CSMD2: variants seen among roughly 807,000 people sequenced by gnomAD.
CSMD2 encodes the protein CUB and sushi domain-containing protein 2.
Under a neutral mutation model 398.5 loss-of-function variants are expected in CSMD2, and 130 were observed. That is an observed-to-expected ratio of 0.33 (90% CI 0.28 to 0.38). CSMD2 has a LOEUF of 0.38. CSMD2 is among the 10% of genes least tolerant of loss of function. The probability of loss-of-function intolerance (pLI) is 1.00; values close to 1 mark genes in which losing one functional copy is unlikely to be tolerated. For missense variants in CSMD2, 3,829 were observed against 4,764.9 expected, an observed-to-expected ratio of 0.80 and a Z score of 5.78; for synonymous variants, 1,828 against 1,908.5, an observed-to-expected ratio of 0.96 and a Z score of 1.10.
intron 3 of CSMD2, among the ~76,000 whole-genome samples, chr1:33,973,761 G>T (rs506714): frequency 0.52 from 79,135 of 152,078 alleles, 21,447 homozygotes; most frequent in African/African-American, 0.67. Flanking sequence ...TGCCTGAGCA[G>T]GGACAGGCTC....
chr1:33,959,078 T>C (rs1462169250), intron 3 of CSMD2, among the ~76,000 whole-genome samples: 3 of 152,166 alleles, frequency 2.0e-5, no homozygotes, highest in Non-Finnish European at 2.9e-5. Flanking sequence ...TCAGATAACA[T>C]GTGCTTCCCT....
At chr1:33,820,927 A>G (rs1658068277) in intron 7 of CSMD2, among the ~76,000 whole-genome samples, 2 of 152,094 alleles carry the variant, frequency 1.3e-5, no homozygotes, top group South Asian at 4.2e-4. Context: ...TCTGGGGTGG[A>G]GACTCTAGAT....
intron 10 of CSMD2, among the ~76,000 whole-genome samples, chr1:33,806,008 T>C (rs770314617): frequency 3.9e-5 from 6 of 152,056 alleles, no homozygotes; most frequent in Non-Finnish European, 7.4e-5. Context: ...GCTTTGGTCT[T>C]GAGTACCTTT....
At position 33,587,185 on chromosome 1, in the gene CSMD2, A is replaced by C; in HGVS notation, c.6857-17T>G. On this transcript the variant is annotated splice_polypyrimidine_tract_variant and intron_variant, in intron 44 of 70. Coordinates refer to ENST00000373381, the MANE Select transcript of CSMD2 (RefSeq NM_001281956.2). ...GTGGATAAGCTGAAAAGATAAAAGC[A>C]GGCAAGTCAGGGTAAGATCATCATT... 1 of 1,579,216 alleles carries C rather than the reference A, an allele frequency of 6.3e-7. No individual in the cohort carries two copies. The highest frequency in any genetic ancestry group is 8.6e-7 in the Non-Finnish European group (1 of 1,156,484).
chr1:34,068,405 GC>G (rs952766531), intron 2 of CSMD2, among the ~76,000 whole-genome samples: 7 of 152,024 alleles, frequency 4.6e-5, no homozygotes, highest in African/African-American at 1.7e-4. Flanking sequence ...TAACTATGTT[GC>G]AAAAAACTTT....
chr1:33,772,326 G>T (rs1286396376), intron 13 of CSMD2: 2 of 437,194 alleles, frequency 4.6e-6, no homozygotes, highest in Non-Finnish European at 8.2e-6. Context: ...ACCAAGAAGG[G>T]TAAGACGGTG....
At chr1:33,661,611 G>A (rs1189644852) in intron 26 of CSMD2, among the ~76,000 whole-genome samples, 1 of 152,150 alleles carries the variant, frequency 6.6e-6, no homozygotes, top group African/African-American at 2.4e-5. Context: ...AGTATTCCAT[G>A]GAACTCTTAG....
chr1:33,740,282 TCCGAAGCCAGGCTCTATTTTCACC>T (rs141576460), intron 14 of CSMD2, among the ~76,000 whole-genome samples: 50,424 of 150,842 alleles, frequency 0.33, 10,791 homozygotes, highest in African/African-American at 0.61. Context: ...ACTAAATGTC[TCCGAAGCCAGGCTCTATTTTCACC>T]CCGAAGCCAG....
chr1:33,617,657 G>T, intron 37 of CSMD2, 40 bp from the exon 38 acceptor site: 1 of 1,514,354 alleles, frequency 6.6e-7, no homozygotes, highest in Non-Finnish European at 9.2e-7. Context: ...GAATGGACTA[G>T]CCCAGCAGGT....
Position 33,559,356 on chromosome 1 carries a change from G to A in CSMD2, c.8498C>T (p.Ala2833Val). ...CNPGYMAEGA[A>V]RSQCLASGQW... ...CCCGCTGGCCAGGCATTGGGACCTA[G>A]CAGCCCCCTCAGCCATATACCCAGG... The change falls in exon 54 of 71, where the codon GCT becomes GTT. Residue 2833 changes from alanine to valine, a missense_variant. Transcript: ENST00000373381. This position sits in a 1 kb window ranked among gnomAD's most constrained non-coding sequence, Gnocchi z 4.0. 2 of 1,536,002 alleles carry A rather than the reference G, an allele frequency of 1.3e-6. No homozygotes were observed. The highest frequency in any genetic ancestry group is 1.2e-5 in the South Asian group (1 of 84,056).
intron 2 of CSMD2, among the ~76,000 whole-genome samples, chr1:34,080,602 A>G (rs1571036376): frequency 6.6e-6 from 1 of 152,264 alleles, no homozygotes; most frequent in South Asian, 2.1e-4. Flanking sequence ...CTAGAGTCAA[A>G]GAAAGAACAA....
At chr1:33,833,594 G>C (rs1356084125) in intron 6 of CSMD2, among the ~76,000 whole-genome samples, 1 of 148,300 alleles carries the variant, frequency 6.7e-6, no homozygotes, top group African/African-American at 2.5e-5. Context: ...ACTGGCACAA[G>C]ACAGGGATGC....
chr1:33,844,234 G>A (rs1290478936), intron 6 of CSMD2, among the ~76,000 whole-genome samples: 1 of 152,150 alleles, frequency 6.6e-6, no homozygotes, highest in Non-Finnish European at 1.5e-5. Context: ...TGTGCACATA[G>A]GGACATCTGG....
intron 2 of CSMD2, among the ~76,000 whole-genome samples, chr1:34,081,254 C>A (rs991042175): frequency 1.3e-5 from 2 of 152,164 alleles, no homozygotes; most frequent in African/African-American, 2.4e-5. Context: ...CCTCTCCACA[C>A]CCCCAGAGTA....
intron 1 of CSMD2, among the ~76,000 whole-genome samples, chr1:34,093,217 C>T (rs1658856957): frequency 6.6e-6 from 1 of 152,288 alleles, no homozygotes; most frequent in Admixed American, 6.5e-5. Context: ...AGAAGGAAAA[C>T]TAACAAACAG....
chr1:34,020,345 C>A (rs543720458), intron 3 of CSMD2, among the ~76,000 whole-genome samples: 1 of 152,146 alleles, frequency 6.6e-6, no homozygotes, highest in Non-Finnish European at 1.5e-5. Context: ...GTTTACTCTG[C>A]AAATATAGCT....
At position 33,537,582 on chromosome 1, in the gene CSMD2, G is replaced by A. The variant is rs547159422; in HGVS notation, c.9659C>T (p.Pro3220Leu). The change falls in exon 61 of 71, where the codon CCG (proline) becomes CTG (leucine). Residue 3220 changes from proline to leucine, a missense_variant. Transcript: ENST00000373381. The surrounding 1 kb of genome is among the most constrained non-coding windows in gnomAD (Gnocchi z 4.6). ...FPVFCGDPGV[P>L]SRGRREDRGF... Reference sequence around the variant, plus strand: ...TCGGTCCTCTCTCCTCCCACGGGACGGGACACCAGGATCCCCGCAGAACAC... The same window carrying A: ...TCGGTCCTCTCTCCTCCCACGGGACAGGACACCAGGATCCCCGCAGAACAC... 31 of 1,613,898 alleles carry A rather than the reference G, an allele frequency of 1.9e-5. No homozygotes were observed. Among genetic ancestry groups the A allele is most frequent in the South Asian group, 1.4e-4 (13 of 91,032 alleles).
At chr1:34,027,314 C>A (rs1009527595) in intron 3 of CSMD2, among the ~76,000 whole-genome samples, 2 of 152,126 alleles carry the variant, frequency 1.3e-5, no homozygotes, top group South Asian at 2.1e-4. Context: ...TGCCAATTAT[C>A]GCAACAAATG....
intron 25 of CSMD2, among the ~76,000 whole-genome samples, chr1:33,679,199 G>GTTTT (rs58284803): frequency 4.8e-5 from 4 of 84,198 alleles, no homozygotes; most frequent in Non-Finnish European, 4.9e-5. Context: ...AATTGCAGTT[G>GTTTT]TTTTTTTTTT....
Sources: gnomAD v4.1 joint callset for allele counts (sites outside exome capture counted in the v4.1 genomes callset) on GRCh38, gnomAD v4.1.1 for gene constraint, Gnocchi (gnomAD v3.1) non-coding constraint, MANE v1.5 for transcripts, NCBI Gene and HGNC (gene_info 2026-07-23, HGNC 2026-07-21) for gene names.